The following ATP7A variants were observed in gnomAD, a reference collection of about 807,000 sequenced individuals.
ATP7A encodes the protein ATPase copper transporting alpha, also known as copper-transporting ATPase 1.
In ATP7A, 7 loss-of-function variants were observed where a neutral mutation model predicts 83.5. That is an observed-to-expected ratio of 0.08 (90% CI 0.05 to 0.16). ATP7A has a LOEUF of 0.16. Ranked by LOEUF, ATP7A falls within the 10% of genes least tolerant of loss-of-function variation. The pLI is 1.00. For synonymous variants in ATP7A, 354 were observed against 395.2 expected (o/e 0.90, Z 1.24); for missense variants, 940 against 1,120.8 (o/e 0.84, Z 2.30).
At chrX:77,998,998 ATT>A (rs782623228) in intron 5 of ATP7A, among the ~76,000 whole-genome samples, 9 of 100,799 alleles carry the variant, frequency 8.9e-5, no homozygotes, top group African/African-American at 3.6e-5. Flanking sequence ...AAGGAACATA[ATT>A]TTTTTTTTTT....
intron 16 of ATP7A, among the ~76,000 whole-genome samples, chrX:78,031,935 A>G (rs1428762957): frequency 8.9e-6 from 1 of 112,045 alleles, no homozygotes; most frequent in African/African-American, 3.2e-5. Context: ...CCAAAGTTTA[A>G]CAACTGTTAA....
intron 1 of ATP7A, among the ~76,000 whole-genome samples, chrX:77,946,819 T>C (rs2077382866): frequency 9.2e-6 from 1 of 108,972 alleles, no homozygotes; most frequent in Non-Finnish European, 1.9e-5. Context: ...TGTAAAATGG[T>C]CCAGTCATGG....
intron 16 of ATP7A, among the ~76,000 whole-genome samples, chrX:78,032,106 C>T (rs1391574150): frequency 1.8e-5 from 2 of 112,263 alleles, no homozygotes; most frequent in African/African-American, 6.5e-5. Flanking sequence ...ACGTATTTAT[C>T]ATCTTTTAAA....
At chrX:77,977,852 T>G (rs2077584599) in intron 2 of ATP7A, among the ~76,000 whole-genome samples, 1 of 112,398 alleles carries the variant, frequency 8.9e-6, no homozygotes. Context: ...TTGTTCTGCC[T>G]TTTTCAGCTC....
At chrX:77,980,665 CTT>C (rs1470041035) in intron 2 of ATP7A, among the ~76,000 whole-genome samples, 5 of 110,109 alleles carry the variant, frequency 4.5e-5, no homozygotes, top group Admixed American at 9.7e-5. Context: ...TAATATAAAA[CTT>C]TTTTTTAAAT....
At position 78,014,668 on chromosome X, in the gene ATP7A, A is replaced by G; in HGVS notation, c.2413A>G (p.Thr805Ala). 2 of 1,206,599 alleles carry G rather than the reference A, an allele frequency of 1.7e-6. No homozygotes were observed. The highest frequency in any genetic ancestry group is 2.2e-6 in the Non-Finnish European group (2 of 891,729). Residue 805 changes from threonine (T) to alanine (A), a missense_variant, in exon 11 of 23, where the codon ACA becomes GCA. Transcript: ENST00000341514. The stretch of plus-strand genomic sequence containing the variant: ...TGTTTGTTTTAATTTATAGGGCAAA[A>G]CATCAGAGGCTCTTGCAAAGTTAAT... ...RWLEHIAKGK[T>A]SEALAKLISL... is the part of the protein sequence containing the mutation.
At position 78,046,436 on chromosome X, in the gene ATP7A, G is replaced by A; in HGVS notation, c.4369G>A (p.Val1457Ile). ...SPKLGLLDRI[V>I]NYSRASINSL... ...TAAACTGGGTTTGCTGGACCGGATTGTTAATTATAGCAGAGCCTCTATAAA... is the reference window on the plus strand; with the variant it reads ...TAAACTGGGTTTGCTGGACCGGATTATTAATTATAGCAGAGCCTCTATAAA... Residue 1457 changes from valine to isoleucine, a missense_variant, in exon 23 of 23, where the codon GTT (valine) becomes ATT (isoleucine). This residue lies in a region of ATP7A where 386 missense variants were observed against 502.2 expected (regional missense o/e 0.77). Transcript: ENST00000341514. 1.7e-6 allele frequency: 2 copies of A among 1,211,387 alleles called. No homozygotes were observed. The highest frequency in any genetic ancestry group is 2.2e-6 in the Non-Finnish European group (2 of 895,386).
intron 1 of ATP7A, among the ~76,000 whole-genome samples, chrX:77,956,463 G>A (rs781928769): frequency 1.2e-3 from 129 of 111,809 alleles, no homozygotes; most frequent in African/African-American, 1.7e-3. Context: ...AGCCTAGTGG[G>A]AAGTGTTTGG....
At chrX:77,955,251 TC>T (rs1337764608) in intron 1 of ATP7A, among the ~76,000 whole-genome samples, 1 of 111,847 alleles carries the variant, frequency 8.9e-6, no homozygotes, top group Non-Finnish European at 1.9e-5. Context: ...AACCTTTGTA[TC>T]CTTTTTTTGG....
At chrX:77,918,297 C>T (rs1265423322) in intron 1 of ATP7A, among the ~76,000 whole-genome samples, 3 of 109,876 alleles carry the variant, frequency 2.7e-5, no homozygotes, top group Non-Finnish European at 5.7e-5. Context: ...GTCTTGAACT[C>T]CTGGGTTCAA....
chrX:77,942,173 T>C (rs1203800749), intron 1 of ATP7A, among the ~76,000 whole-genome samples: 1 of 112,256 alleles, frequency 8.9e-6, no homozygotes, highest in Admixed American at 9.5e-5. Context: ...TTGGATTGAG[T>C]CTAAAAAAGA....
At chrX:77,949,691 A>G (rs1467799630) in intron 1 of ATP7A, among the ~76,000 whole-genome samples, 3 of 112,073 alleles carry the variant, frequency 2.7e-5, no homozygotes, top group Non-Finnish European at 5.6e-5. Context: ...GTGATAGAAA[A>G]GAGACCATCA....
At chrX:77,998,249 G>C (rs2077716805) in intron 4 of ATP7A, among the ~76,000 whole-genome samples, 1 of 111,577 alleles carries the variant, frequency 9.0e-6, no homozygotes, top group South Asian at 3.7e-4. Flanking sequence ...AAAAAGTTTT[G>C]TTTATTCAGG....
intron 1 of ATP7A, among the ~76,000 whole-genome samples, chrX:77,917,481 G>A (rs1389503959): frequency 1.8e-5 from 2 of 111,273 alleles, no homozygotes; most frequent in African/African-American, 6.5e-5. Context: ...GAGTGGTTGG[G>A]GTCAGTAACC....
chrX:78,039,266 T>A (rs1445862947), intron 18 of ATP7A, among the ~76,000 whole-genome samples: 1 of 112,098 alleles, frequency 8.9e-6, no homozygotes, highest in African/African-American at 3.2e-5. Flanking sequence ...TAAAATAATA[T>A]TCGTAATCCC....
intron 2 of ATP7A, among the ~76,000 whole-genome samples, chrX:77,987,041 C>T (rs891693397): frequency 1.8e-5 from 2 of 111,460 alleles, no homozygotes; most frequent in Non-Finnish European, 3.8e-5. Flanking sequence ...GAATTCTCTG[C>T]CTCATATATC....
intron 3 of ATP7A, 71 bp from the exon 4 acceptor site, chrX:77,989,162 T>A: frequency 9.5e-7 from 1 of 1,051,085 alleles, no homozygotes; most frequent in East Asian, 3.0e-5. Context: ...GGTTATTGAT[T>A]TAGAAAACAG....
At chrX:77,967,314 C>T (rs1183749275) in intron 1 of ATP7A, among the ~76,000 whole-genome samples, 4 of 111,749 alleles carry the variant, frequency 3.6e-5, no homozygotes, top group African/African-American at 6.5e-5. Flanking sequence ...TCTAGATCCT[C>T]GAGGAATCGC....
At chrX:78,004,311 G>A (rs969081204) in intron 6 of ATP7A, among the ~76,000 whole-genome samples, 3 of 112,045 alleles carry the variant, frequency 2.7e-5, no homozygotes, top group South Asian at 3.7e-4. Context: ...GGAAGAGAGC[G>A]GGATTGAGGG....
Sources: allele counts gnomAD v4.1 joint callset (sites outside exome capture counted in the v4.1 genomes callset), GRCh38; gene constraint gnomAD v4.1.1; regional missense constraint gnomAD v4.1.1; transcripts MANE v1.5; gene names NCBI Gene and HGNC (gene_info 2026-07-23, HGNC 2026-07-21).